The following DNAH1 variants were observed in gnomAD, a reference collection of about 807,000 sequenced individuals.
The protein encoded by DNAH1 is dynein axonemal heavy chain 1, also known as axonemal beta dynein heavy chain 1.
Under a neutral mutation model 484.3 loss-of-function variants are expected in DNAH1, and 327 were observed. The observed-to-expected ratio is 0.68, with a 90% confidence interval of 0.62 to 0.74. DNAH1 has a LOEUF of 0.74. DNAH1 is among the 30% of genes least tolerant of loss of function. The pLI is 0.00. For missense variants in DNAH1, 5,052 were observed against 5,546.8 expected (o/e 0.91, Z 2.83); for synonymous variants, 2,192 against 2,191.9 (o/e 1.00, Z 0.00).
intron 6 of DNAH1, among the ~76,000 whole-genome samples, chr3:52,330,868 G>T (rs1045259208): frequency 6.6e-6 from 1 of 152,258 alleles, no homozygotes; most frequent in African/African-American, 2.4e-5. Context: ...GCCTCCCATT[G>T]GCCTGTGTGT....
At chr3:52,318,271 A>C (rs968406947) in intron 1 of DNAH1, among the ~76,000 whole-genome samples, 1 of 152,166 alleles carries the variant, frequency 6.6e-6, no homozygotes, top group African/African-American at 2.4e-5. Context: ...GCTGGTCTTA[A>C]ACTCCTGACC....
rs1044027374 is a variant in DNAH1, at chr3:52,372,070, T to C, written c.6650T>C (p.Leu2217Pro). 7.4e-6 allele frequency: 12 copies of C among 1,613,554 alleles called. No homozygotes were observed. The highest frequency in any genetic ancestry group is 3.3e-5 in the Admixed American group (2 of 59,994). ...ATGTCCCATTTACTGGACATGCTGCTCACCAACAAGAAGCCCGTGAGCACC... is the reference window on the plus strand; with the variant it reads ...ATGTCCCATTTACTGGACATGCTGCCCACCAACAAGAAGCCCGTGAGCACC... ...VQMSHLLDML[L>P]TNKKPVLCIG... The change falls in exon 42 of 78, where the codon CTC (leucine) becomes CCC (proline). Residue 2217 changes from leucine to proline, a missense_variant. By Grantham distance (98) the Leu-to-Pro change is moderately conservative. Transcript: ENST00000420323.
At chr3:52,356,982 T>C (rs1039756693) in intron 22 of DNAH1, among the ~76,000 whole-genome samples, 5 of 151,934 alleles carry the variant, frequency 3.3e-5, no homozygotes, top group African/African-American at 1.2e-4. Context: ...GGTTTTTCTC[T>C]TGGAGATCCA....
chr3:52,343,449 G>T (rs73837051), intron 8 of DNAH1, among the ~76,000 whole-genome samples: 2,005 of 152,160 alleles, frequency 0.013, 55 homozygotes, highest in African/African-American at 0.046. Flanking sequence ...TCTGAGTTCC[G>T]GATGAAATTC....
At position 52,355,017 on chromosome 3, in the gene DNAH1, C is replaced by A; in HGVS notation, c.3655C>A (p.Arg1219Ser). 1 of 1,613,910 alleles carries A rather than the reference C, an allele frequency of 6.2e-7. No homozygotes were observed. Among genetic ancestry groups the A allele is most frequent in the Non-Finnish European group, 8.5e-7 (1 of 1,179,898 alleles). ...ACCCTACAAGAAGCCCTTTGAGCAGCGCATCAACTCCTGGGAGAACAAACT... is the reference window on the plus strand; with the variant it reads ...ACCCTACAAGAAGCCCTTTGAGCAGAGCATCAACTCCTGGGAGAACAAACT... ...FSPYKKPFEQ[R>S]INSWENKLKL... Residue 1219 changes from arginine to serine, a missense_variant, in exon 21 of 78, where the codon CGC (arginine) becomes AGC (serine). Around this residue, in one of 4 missense-constraint regions of DNAH1, gnomAD observed 2,929 missense variants for 3,409.4 expected, o/e 0.86. Coordinates refer to ENST00000420323, the MANE Select transcript of DNAH1 (RefSeq NM_015512.5). This position sits in a 1 kb window ranked among gnomAD's most constrained non-coding sequence, Gnocchi z 4.5.
chr3:52,384,691 C>A, intron 52 of DNAH1, 95 bp from the exon 53 acceptor site: 2 of 1,308,544 alleles, frequency 1.5e-6, no homozygotes, highest in Non-Finnish European at 2.1e-6. Context: ...TGCTGTGGCC[C>A]CCTCCTCGGC....
In DNAH1 at chr3:52,372,323, AC is replaced by A. The variant is rs1288586536; in HGVS notation, c.6765del (p.Phe2256SerfsTer41). 1.2e-6 allele frequency: 2 copies of A among 1,613,854 alleles called. No homozygotes were observed. Among genetic ancestry groups the A allele is most frequent in the Non-Finnish European group, 1.7e-6 (2 of 1,179,850 alleles). ...LALDYISHFL[T>X]FSARTSANQT... ...ACTGGATTACATCAGCCACTTCCTC[AC>A]CTTCTCAGCCCGCACTTCAGCCAAC... On this transcript the variant is annotated frameshift_variant, in exon 43 of 78. Coordinates refer to ENST00000420323, the MANE Select transcript of DNAH1 (RefSeq NM_015512.5). LOFTEE classifies it high-confidence loss of function.
rs768787602 is a variant in DNAH1, at chr3:52,348,947, T to G, written c.2166T>G (p.His722Gln). ...CCCTGCTGGAGTCCGTGGGCCTTCATGAGCCACTGGTGGAAGAGCTACGGG... is the reference window on the plus strand; with the variant it reads ...CCCTGCTGGAGTCCGTGGGCCTTCAGGAGCCACTGGTGGAAGAGCTACGGG... ...GDPLLESVGL[H>Q]EPLVEELRAT... is the part of the protein sequence containing the mutation. The change falls in exon 13 of 78, where the codon CAT (histidine) becomes CAG (glutamine). Residue 722 changes from histidine (H) to glutamine (Q), a missense_variant. By Grantham distance (24) the His-to-Gln change is conservative. Transcript: ENST00000420323. 1 of 1,613,504 alleles carries G rather than the reference T, an allele frequency of 6.2e-7. No individual in the cohort carries two copies. Among genetic ancestry groups the G allele is most frequent in the Non-Finnish European group, 8.5e-7 (1 of 1,179,886 alleles).
intron 44 of DNAH1, chr3:52,374,454 C>T: frequency 1.5e-6 from 2 of 1,345,286 alleles, no homozygotes; most frequent in South Asian, 1.2e-5. Flanking sequence ...GACTCACAGT[C>T]CAAAAGAAGT....
At position 52,375,982 on chromosome 3, in the gene DNAH1, G is replaced by A. The variant is rs200988349; in HGVS notation, c.7187G>A (p.Arg2396Gln). 1.3e-5 allele frequency: 21 copies of A among 1,612,192 alleles called. No individual in the cohort carries two copies. Among genetic ancestry groups the A allele is most frequent in the Admixed American group, 5.0e-5 (3 of 59,470 alleles). Reference sequence around the variant, plus strand: ...GGACTCCTTGGAGAAAAAAGCTACCGGGAGCGTGTGCGTAAGTGTGGGCCT... The same window carrying A: ...GGACTCCTTGGAGAAAAAAGCTACCAGGAGCGTGTGCGTAAGTGTGGGCCT... ...LDGLLGEKSYRERVPGAPHIA... is the reference protein window; with the variant it reads ...LDGLLGEKSYQERVPGAPHIA... The change falls in exon 46 of 78, where the codon CGG becomes CAG. Residue 2396 changes from arginine (R) to glutamine (Q), a missense_variant. This residue lies in a region of DNAH1 where 2,929 missense variants were observed against 3,409.4 expected (regional missense o/e 0.86). Transcript: ENST00000420323.
chr3:52,369,966 T>G lies in DNAH1; in HGVS notation c.6085T>G (p.Leu2029Val). The change falls in exon 38 of 78, where the codon TTG becomes GTG. Residue 2029 changes from leucine (L) to valine (V), a missense_variant. Around this residue, in one of 4 missense-constraint regions of DNAH1, gnomAD observed 2,929 missense variants for 3,409.4 expected, o/e 0.86. Transcript: ENST00000420323. Reference sequence around the variant, plus strand: ...GTGCTGGCTGAGGAAGCTGCCTCCCTTGCTGAAGCCCTATGAGGAGCATTT... The same window carrying G: ...GTGCTGGCTGAGGAAGCTGCCTCCCGTGCTGAAGCCCTATGAGGAGCATTT... The part of the protein sequence containing the change: ...IECWLRKLPP[L>V]LKPYEEHFKA... 1.2e-6 allele frequency: 2 copies of G among 1,613,980 alleles called. No individual in the cohort carries two copies. Among genetic ancestry groups the G allele is most frequent in the Non-Finnish European group, 1.7e-6 (2 of 1,179,882 alleles).
chr3:52,367,678 A>G (rs1703144263), intron 36 of DNAH1, among the ~76,000 whole-genome samples: 1 of 151,662 alleles, frequency 6.6e-6, no homozygotes, highest in Non-Finnish European at 1.5e-5. Flanking sequence ...TGTTCAAGCG[A>G]TTCTCCTGCC....
At chr3:52,350,794 T>A (rs2153223974) in intron 16 of DNAH1, among the ~76,000 whole-genome samples, 1 of 152,366 alleles carries the variant, frequency 6.6e-6, no homozygotes, top group South Asian at 2.1e-4. Context: ...TTTGGGCCTC[T>A]TGGCCTCAGC....
At chr3:52,350,239 G>C (rs1358391667) in intron 15 of DNAH1, 131 bp downstream of exon 15, 2 of 1,357,962 alleles carry the variant, frequency 1.5e-6, no homozygotes, top group Non-Finnish European at 2.0e-6. Context: ...ACAGAGGACA[G>C]ATGGGGTTTA....
intron 8 of DNAH1, among the ~76,000 whole-genome samples, chr3:52,339,139 CTA>C (rs936751293): frequency 1.3e-5 from 2 of 152,104 alleles, no homozygotes; most frequent in South Asian, 2.1e-4. Context: ...CTCTATGTAT[CTA>C]TGTATCTTTT....
At position 52,395,195 on chromosome 3, in the gene DNAH1, AG is replaced by A; in HGVS notation, c.10969-112del. ...TGCTCCCTAAAGGCTCTGAGGTTCC[AG>A]CCCCCACCAGGAAGCCCACTGGGGA... On this transcript the variant is annotated intron_variant, in intron 68 of 77. Transcript: ENST00000420323. The surrounding 1 kb of genome is among the most constrained non-coding windows in gnomAD (Gnocchi z 4.4). 1 of 1,489,260 alleles carries A rather than the reference AG, an allele frequency of 6.7e-7. No homozygotes were observed. The highest frequency in any genetic ancestry group is 9.0e-7 in the Non-Finnish European group (1 of 1,109,062). 92.3% of individuals were successfully genotyped at this position (1,489,260 alleles called of 1,614,324 possible). A position where few individuals can be genotyped will look rare whatever the true frequency, so the allele number is the denominator to read the frequency against.
chr3:52,353,413 G>A lies in DNAH1; in HGVS notation c.3260G>A (p.Arg1087His), dbSNP rs145381093. ...CQEVALDIRA[R>H]IEEFKPYIPL... Reference sequence around the variant, plus strand: ...GAAGTGGCCTTGGACATCCGGGCCCGCATCGAGGAGTTCAAACCATACATC... The same window carrying A: ...GAAGTGGCCTTGGACATCCGGGCCCACATCGAGGAGTTCAAACCATACATC... Residue 1087 changes from arginine to histidine, a missense_variant, in exon 20 of 78, where the codon CGC (arginine) becomes CAC (histidine). By Grantham distance (29) the Arg-to-His change is conservative. This residue lies in a region of DNAH1 where 2,929 missense variants were observed against 3,409.4 expected (regional missense o/e 0.86). Coordinates refer to ENST00000420323, the MANE Select transcript of DNAH1 (RefSeq NM_015512.5). This position sits in a 1 kb window ranked among gnomAD's most constrained non-coding sequence, Gnocchi z 5.0. 135 of 1,613,466 alleles carry A rather than the reference G, an allele frequency of 8.4e-5. 1 individual carries two copies. In the Middle Eastern group the frequency reaches 2.1e-3, roughly 26 times the overall value.
Position 52,353,272 on chromosome 3 carries a change from A to G in DNAH1, c.3197A>G (p.Lys1066Arg). The G allele has an allele frequency of 6.2e-7, 1 of 1,613,956 alleles. No individual in the cohort carries two copies. The highest frequency in any genetic ancestry group is 1.1e-5 in the South Asian group (1 of 91,086). ...GTTGAAGCCTTCAAGACCATGCACA[A>G]GTGCGTGAAGCAGTTTAAGGACATG... is the stretch of plus-strand genomic sequence containing the variant. ...NVVEAFKTMH[K>R]CVKQFKDMPA... The change falls in exon 19 of 78, where the codon AAG (lysine) becomes AGG (arginine). Residue 1066 changes from lysine (K) to arginine (R), a missense_variant. Lys to Arg is a conservative substitution (Grantham distance 26). This residue lies in a region of DNAH1 where 2,929 missense variants were observed against 3,409.4 expected (regional missense o/e 0.86). Coordinates refer to ENST00000420323, the MANE Select transcript of DNAH1 (RefSeq NM_015512.5). This position sits in a 1 kb window ranked among gnomAD's most constrained non-coding sequence, Gnocchi z 5.0.
chr3:52,387,872 C>T (rs1300825885), intron 56 of DNAH1, among the ~76,000 whole-genome samples: 1 of 152,086 alleles, frequency 6.6e-6, no homozygotes, highest in Admixed American at 6.5e-5. Flanking sequence ...AGGAAGTAGC[C>T]CTTGCCTTTA....
Sources: allele counts gnomAD v4.1 joint callset (sites outside exome capture counted in the v4.1 genomes callset), GRCh38; gene constraint gnomAD v4.1.1; regional missense constraint gnomAD v4.1.1; non-coding constraint Gnocchi (gnomAD v3.1); transcripts MANE v1.5; gene names NCBI Gene and HGNC (gene_info 2026-07-23, HGNC 2026-07-21).